Variants in OR6C2 observed in about 807,000 individuals in gnomAD.
The protein encoded by OR6C2 is olfactory receptor family 6 subfamily C member 2.
For synonymous variants in OR6C2, 146 were observed against 134.2 expected (o/e 1.09, Z -0.61); for missense variants, 435 against 365.8 (o/e 1.19, Z -1.54).
intron 1 of OR6C2, among the ~76,000 whole-genome samples, chr12:55,450,388 T>C (rs4396935): frequency 0.77 from 117,266 of 151,962 alleles, 45,444 homozygotes; most frequent in East Asian, 0.9. Flanking sequence ...CAACTTGAGC[T>C]ATGAAGAAGA....
In OR6C2 at chr12:55,450,827, A is replaced by T. The variant is rs528134647; in HGVS notation, c.-887-500A>T. Among the ~76,000 whole-genome samples, 5 of 152,246 alleles carry T rather than the reference A, an allele frequency of 3.3e-5. No individual in the cohort carries two copies. In the South Asian group the frequency reaches 8.3e-4, roughly 25 times the overall value. ...AATATCAGTATTAGACATGAAGCCC[A>T]TTGAAAGAATTATTGAACTTTAAAA... On this transcript the variant is annotated intron_variant, in intron 1 of 1. Coordinates refer to ENST00000641202, the MANE Select transcript of OR6C2 (RefSeq NM_054105.2).
intron 1 of OR6C2, among the ~76,000 whole-genome samples, chr12:55,448,259 T>C (rs868508580): frequency 2.0e-5 from 3 of 151,968 alleles, no homozygotes; most frequent in Admixed American, 1.3e-4. Context: ...TTATCAGATA[T>C]ATGGTCTGTA....
At chr12:55,449,509 G>A (rs935960782) in intron 1 of OR6C2, among the ~76,000 whole-genome samples, 1 of 151,754 alleles carries the variant, frequency 6.6e-6, no homozygotes, top group Non-Finnish European at 1.5e-5. Context: ...AAGAGTATTA[G>A]GATATCTTTG....
At chr12:55,448,150 G>C (rs1391678894) in intron 1 of OR6C2, among the ~76,000 whole-genome samples, 1 of 151,800 alleles carries the variant, frequency 6.6e-6, no homozygotes, top group African/African-American at 2.4e-5. Context: ...CTTCTTTGGA[G>C]AAATTTCTAT....
At chr12:55,444,730 G>A (rs77566089) in intron 1 of OR6C2, among the ~76,000 whole-genome samples, 1 of 152,128 alleles carries the variant, frequency 6.6e-6, no homozygotes, top group African/African-American at 2.4e-5. Context: ...TGAAAACGAA[G>A]ATGACAGAAA....
Position 55,451,864 on chromosome 12 carries a change from AC to A in OR6C2, c.-348del, listed in dbSNP as rs1871479698. 5.3e-6 allele frequency: 1 copy of A among 189,996 alleles called. No individual in the cohort carries two copies. Among genetic ancestry groups the A allele is most frequent in the South Asian group, 1.7e-4 (1 of 5,874 alleles). 11.8% of individuals were successfully genotyped at this position (189,996 alleles called of 1,614,324 possible). A position where few individuals can be genotyped will look rare whatever the true frequency, so the allele number is the denominator to read the frequency against. On this transcript the variant is annotated 5_prime_UTR_variant, in exon 2 of 2. An upstream open reading frame in the 5' UTR loses its in-frame stop. Transcript: ENST00000641202. ...TGTCCTGGACAAAAAATGTTTAAGTACCTATAAAATGACATCATTTCTTTCT... is the reference window on the plus strand; with the variant it reads ...TGTCCTGGACAAAAAATGTTTAAGTACTATAAAATGACATCATTTCTTTCT...
chr12:55,447,020 A>C (rs1871375469), intron 1 of OR6C2, among the ~76,000 whole-genome samples: 1 of 152,152 alleles, frequency 6.6e-6, no homozygotes. Context: ...CTGTAGATGC[A>C]ATTCACCGAT....
intron 1 of OR6C2, among the ~76,000 whole-genome samples, chr12:55,450,994 G>C (rs1405758564): frequency 6.6e-6 from 1 of 151,936 alleles, no homozygotes; most frequent in Non-Finnish European, 1.5e-5. Context: ...TTGAGTAGGG[G>C]TGAGATGAGG....
chr12:55,444,627 T>C (rs1370000211), intron 1 of OR6C2, among the ~76,000 whole-genome samples: 1 of 152,162 alleles, frequency 6.6e-6, no homozygotes, highest in Non-Finnish European at 1.5e-5. Context: ...GTGTTGTTGC[T>C]CATGATGCAC....
At chr12:55,444,294 A>T (rs1456100752) in intron 1 of OR6C2, 135 bp downstream of exon 1, 1 of 152,150 alleles carries the variant, frequency 6.6e-6, no homozygotes, top group Non-Finnish European at 1.5e-5. Flanking sequence ...ATGTTTTTAA[A>T]CTATTAACAG....
At position 55,452,184 on chromosome 12, in the gene OR6C2, G is replaced by T; in HGVS notation, c.-30G>T. On this transcript the variant is annotated 5_prime_UTR_variant, in exon 2 of 2. It adds an upstream start codon to the 5' untranslated region. Coordinates refer to ENST00000641202, the MANE Select transcript of OR6C2 (RefSeq NM_054105.2). ...CCCCTCATAAACCGTGATTTTTAAA[G>T]GAGGATTGGGTAGATATCAAAGAAC... 1 of 1,387,124 alleles carries T rather than the reference G, an allele frequency of 7.2e-7. No homozygotes were observed. Among genetic ancestry groups the T allele is most frequent in the Non-Finnish European group, 9.8e-7 (1 of 1,018,642 alleles). The allele number at this position is 1,387,124 out of a possible 1,614,324, so 85.9% of individuals were successfully genotyped here.
intron 1 of OR6C2, among the ~76,000 whole-genome samples, chr12:55,444,406 AC>A (rs1871328684): frequency 6.6e-6 from 1 of 152,196 alleles, no homozygotes; most frequent in South Asian, 2.1e-4. Context: ...TAAAGGACAC[AC>A]AGAAATATGC....
rs1358715382 is a variant in OR6C2, at chr12:55,451,687, A to G, written c.-527A>G. On this transcript the variant is annotated 5_prime_UTR_variant, in exon 2 of 2. Transcript: ENST00000641202. ...CAGAGAAGAATAAAAAGACCGGGGA[A>G]AGGCTCAGGGACAACGGTTGTATTC... 1 of 152,186 alleles carries G rather than the reference A, an allele frequency of 6.6e-6. No homozygotes were observed. The highest frequency in any genetic ancestry group is 6.6e-5 in the Admixed American group (1 of 15,234). The allele number at this position is 152,186 out of a possible 1,614,324, so 9.4% of individuals were successfully genotyped here.
At chr12:55,445,321 T>C (rs777516809) in intron 1 of OR6C2, among the ~76,000 whole-genome samples, 8 of 152,232 alleles carry the variant, frequency 5.3e-5, no homozygotes, top group Non-Finnish European at 8.8e-5. Flanking sequence ...TTGCCATATG[T>C]ATCACATGGG....
intron 1 of OR6C2, among the ~76,000 whole-genome samples, chr12:55,448,858 T>C (rs1871416477): frequency 6.6e-6 from 1 of 151,798 alleles, no homozygotes; most frequent in Non-Finnish European, 1.5e-5. Flanking sequence ...TATTCCAGGC[T>C]ATGGAAATGT....
Position 55,445,256 on chromosome 12 carries a change from C to T in OR6C2, c.-888+1097C>T, listed in dbSNP as rs575865916. ...TCTCTCTTAACAGATTTGTATTAGG[C>T]TTTCTGCATAAGTATGTATTTTCCT... is the stretch of plus-strand genomic sequence containing the variant. On this transcript the variant is annotated intron_variant, in intron 1 of 1. Transcript: ENST00000641202. Among the ~76,000 whole-genome samples the T allele has an allele frequency of 8.1e-4, 124 of 152,268 alleles. 1 individual carries two copies. The highest frequency in any genetic ancestry group is 2.8e-3 in the African/African-American group (118 of 41,558).
At chr12:55,444,653 G>T (rs940650032) in intron 1 of OR6C2, among the ~76,000 whole-genome samples, 1 of 152,042 alleles carries the variant, frequency 6.6e-6, no homozygotes, top group Non-Finnish European at 1.5e-5. Context: ...TGCACAAGAC[G>T]ATCAAGGCGT....
In OR6C2 at chr12:55,452,538, G is replaced by A. The variant is rs1160248789; in HGVS notation, c.325G>A (p.Glu109Lys). 6.2e-7 allele frequency: 1 copy of A among 1,613,870 alleles called. No homozygotes were observed. Among genetic ancestry groups the A allele is most frequent in the Admixed American group, 1.7e-5 (1 of 59,970 alleles). Residue 109 changes from glutamate (E) to lysine (K), a missense_variant, in exon 2 of 2, where the codon GAA (glutamate) becomes AAA (lysine). By Grantham distance (56) the Glu-to-Lys change is moderately conservative. Coordinates refer to ENST00000641202, the MANE Select transcript of OR6C2 (RefSeq NM_054105.2). ...CTTTGTTATTCTCTTTGGAGCAACA[G>A]AATTTTTTCTCTTGGCAGCCATGTC... ...IFFVILFGAT[E>K]FFLLAAMSYD...
At chr12:55,446,353 T>C (rs913911617) in intron 1 of OR6C2, among the ~76,000 whole-genome samples, 8 of 151,552 alleles carry the variant, frequency 5.3e-5, no homozygotes, top group African/African-American at 1.9e-4. Flanking sequence ...TTCTCCATGT[T>C]GGTCAGGCTG....
Sources: gnomAD v4.1 joint callset for allele counts (sites outside exome capture counted in the v4.1 genomes callset) on GRCh38, gnomAD v4.1.1 for gene constraint, MANE v1.5 for transcripts, NCBI Gene and HGNC (gene_info 2026-07-23, HGNC 2026-07-21) for gene names.